RFX3: variants seen among roughly 807,000 people sequenced by gnomAD.
The protein encoded by RFX3 is regulatory factor X3.
Under a neutral mutation model 98.6 loss-of-function variants are expected in RFX3, and 14 were observed. The ratio of observed to expected loss-of-function variants is 0.14; its 90% confidence interval spans 0.09 to 0.22. The LOEUF (loss-of-function observed/expected upper bound fraction) is 0.22. RFX3 is among the 10% of genes least tolerant of loss of function. The pLI, the probability that RFX3 is intolerant of heterozygous loss-of-function variation, is 1.00. For missense variants in RFX3, 639 were observed against 926.9 expected (o/e 0.69, Z 4.03); for synonymous variants, 383 against 328.4 (o/e 1.17, Z -1.80).
At chr9:3,247,785 T>G in intron 15 of RFX3, 5 of 1,596,988 alleles carry the variant, frequency 3.1e-6, no homozygotes, top group Non-Finnish European at 4.3e-6. Flanking sequence ...CATAGGTACC[T>G]GTATAATATA....
chr9:3,355,062 T>C (rs1461084103), intron 2 of RFX3, among the ~76,000 whole-genome samples: 1 of 151,850 alleles, frequency 6.6e-6, no homozygotes, highest in Non-Finnish European at 1.5e-5. Flanking sequence ...GATAAATACA[T>C]ATTTTTTAAA....
chr9:3,403,659 T>C (rs1383201491), intron 1 of RFX3, among the ~76,000 whole-genome samples: 4 of 152,206 alleles, frequency 2.6e-5, no homozygotes, highest in Admixed American at 1.3e-4. Flanking sequence ...ATTACTGTAA[T>C]TTTTATCTTA....
At chr9:3,433,903 A>T (rs1048213629) in intron 1 of RFX3, among the ~76,000 whole-genome samples, 6 of 152,152 alleles carry the variant, frequency 3.9e-5, no homozygotes, top group African/African-American at 1.4e-4. Context: ...ATGTAAACAA[A>T]TGGGCATGGC....
chr9:3,318,301 T>A (rs1194939885), intron 4 of RFX3, among the ~76,000 whole-genome samples: 1 of 152,162 alleles, frequency 6.6e-6, no homozygotes, highest in East Asian at 1.9e-4. Flanking sequence ...ATGTTCTCAC[T>A]CATAGGTGGG....
chr9:3,252,798 T>C (rs1821598256), intron 14 of RFX3, among the ~76,000 whole-genome samples: 2 of 152,120 alleles, frequency 1.3e-5, no homozygotes, highest in African/African-American at 4.8e-5. Context: ...TGTTGGAAGT[T>C]TAAAAAAAAA....
At chr9:3,467,148 A>AC (rs201085052) in intron 1 of RFX3, among the ~76,000 whole-genome samples, 127 of 101,676 alleles carry the variant, frequency 1.2e-3, no homozygotes, top group African/African-American at 3.1e-3. Flanking sequence ...GTATATACAT[A>AC]ATATATATGT....
chr9:3,279,060 A>C (rs1825602859), intron 7 of RFX3, among the ~76,000 whole-genome samples: 1 of 151,886 alleles, frequency 6.6e-6, no homozygotes, highest in African/African-American at 2.4e-5. Flanking sequence ...TGTTTATTAA[A>C]AATTTAATGT....
At chr9:3,359,880 G>C (rs1836210156) in intron 2 of RFX3, among the ~76,000 whole-genome samples, 1 of 152,078 alleles carries the variant, frequency 6.6e-6, no homozygotes, top group Non-Finnish European at 1.5e-5. Flanking sequence ...GATCAAATGT[G>C]ATTCAAATTG....
chr9:3,320,811 A>ATATATATATATG (rs1491257813), intron 4 of RFX3, among the ~76,000 whole-genome samples: 2 of 119,310 alleles, frequency 1.7e-5, no homozygotes, highest in African/African-American at 6.5e-5. Context: ...ATATATATAT[A>ATATATATATATG]GCCTCATTAT....
At chr9:3,266,945 A>G (rs1823722716) in intron 11 of RFX3, among the ~76,000 whole-genome samples, 1 of 152,062 alleles carries the variant, frequency 6.6e-6, no homozygotes, top group Non-Finnish European at 1.5e-5. Flanking sequence ...CGTATTCTTA[A>G]GATACTCCTA....
intron 3 of RFX3, among the ~76,000 whole-genome samples, chr9:3,336,055 G>A (rs1365108485): frequency 1.3e-5 from 2 of 152,026 alleles, no homozygotes; most frequent in East Asian, 3.8e-4. Context: ...GATGTTGAAT[G>A]TCCTCCAACC....
intron 1 of RFX3, among the ~76,000 whole-genome samples, chr9:3,410,088 C>T (rs903628243): frequency 2.7e-5 from 4 of 150,178 alleles, no homozygotes; most frequent in African/African-American, 9.8e-5. Context: ...TTCTCTTAGA[C>T]GTTTCCAAGT....
chr9:3,341,714 T>C (rs1346181408), intron 3 of RFX3, among the ~76,000 whole-genome samples: 2 of 152,222 alleles, frequency 1.3e-5, no homozygotes, highest in African/African-American at 4.8e-5. Context: ...TCCATGGTCT[T>C]TTCCACATAA....
chr9:3,393,559 AAGTT>A (rs1840542900), intron 2 of RFX3, among the ~76,000 whole-genome samples: 1 of 151,852 alleles, frequency 6.6e-6, no homozygotes, highest in Admixed American at 6.6e-5. Context: ...TATCTTTTTA[AAGTT>A]AGTTATAACA....
intron 1 of RFX3, among the ~76,000 whole-genome samples, chr9:3,427,292 ATAAATATATAT>A (rs1844159028): frequency 2.1e-5 from 3 of 143,692 alleles, no homozygotes; most frequent in Non-Finnish European, 4.5e-5. Context: ...AATACTATAT[ATAAATATATAT>A]TGTATTACAT....
chr9:3,430,781 T>C (rs1164658301), intron 1 of RFX3, among the ~76,000 whole-genome samples: 1 of 151,902 alleles, frequency 6.6e-6, no homozygotes, highest in East Asian at 1.9e-4. Flanking sequence ...TTTTTAGAGA[T>C]GTGTAACAAT....
intron 1 of RFX3, among the ~76,000 whole-genome samples, chr9:3,493,375 G>A (rs1850859856): frequency 6.6e-6 from 1 of 151,914 alleles, no homozygotes; most frequent in African/African-American, 2.4e-5. Flanking sequence ...ATCTAAACAC[G>A]TGATCCATTT....
intron 5 of RFX3, among the ~76,000 whole-genome samples, chr9:3,300,450 G>A (rs2130022174): frequency 6.6e-6 from 1 of 151,550 alleles, no homozygotes; most frequent in Non-Finnish European, 1.5e-5. Context: ...GGTAATTAGT[G>A]CTATTTTAAG....
At chr9:3,379,669 T>G (rs542684420) in intron 2 of RFX3, among the ~76,000 whole-genome samples, 2 of 152,158 alleles carry the variant, frequency 1.3e-5, no homozygotes, top group East Asian at 3.9e-4. Flanking sequence ...CACATACACC[T>G]GCACACACAC....
Sources: gnomAD v4.1 joint callset for allele counts (sites outside exome capture counted in the v4.1 genomes callset) on GRCh38, gnomAD v4.1.1 for gene constraint, MANE v1.5 for transcripts, NCBI Gene and HGNC (gene_info 2026-07-23, HGNC 2026-07-21) for gene names.